Variants in FLVCR1 observed in about 807,000 individuals in gnomAD.
FLVCR1 encodes FLVCR choline and heme transporter 1, also known as choline/ethanolamine transporter FLVCR1.
In FLVCR1, 34 loss-of-function variants were observed where a neutral mutation model predicts 53.6. The ratio of observed to expected loss-of-function variants is 0.63; its 90% CI spans 0.48 to 0.84. FLVCR1 has a LOEUF of 0.84. FLVCR1 is among the 40% of genes least tolerant of loss of function. The pLI is 0.00. For missense variants in FLVCR1, 677 were observed against 696.7 expected (o/e 0.97, Z 0.32); for synonymous variants, 300 against 286.3 (o/e 1.05, Z -0.48).
chr1:212,864,553 CTT>C (rs1572008361), intron 2 of FLVCR1: 1 of 152,524 alleles, frequency 6.6e-6, no homozygotes, highest in African/African-American at 2.4e-5. Flanking sequence ...TAATGGGAAA[CTT>C]TTGATTTCAG....
chr1:212,885,805 C>G (rs1201860472), intron 5 of FLVCR1, among the ~76,000 whole-genome samples: 1 of 152,046 alleles, frequency 6.6e-6, no homozygotes, highest in African/African-American at 2.4e-5. Flanking sequence ...CCCGCCTCGA[C>G]CTCCCAAAGT....
chr1:212,895,325 G>A lies in FLVCR1; in HGVS notation c.*35G>A. The A allele has an allele frequency of 3.4e-6, 5 of 1,476,176 alleles. No homozygotes were observed. The highest frequency in any genetic ancestry group is 4.7e-6 in the Non-Finnish European group (5 of 1,053,792). 91.4% of individuals were successfully genotyped at this position (1,476,176 alleles called of 1,614,324 possible). On this transcript the variant is annotated 3_prime_UTR_variant, in exon 10 of 10. Transcript: ENST00000366971. ...CAAAGTTACTGTCCTGTAGTAATTG[G>A]GGACAATGTGATCATCCTTGGAGAG...
chr1:212,858,813 A>G lies in FLVCR1; in HGVS notation c.361A>G (p.Asn121Asp), dbSNP rs267606820. Residue 121 changes from asparagine (N) to aspartate (D), a missense_variant, in exon 1 of 10, where the codon AAC becomes GAC. Coordinates refer to ENST00000366971, the MANE Select transcript of FLVCR1 (RefSeq NM_014053.4). ...LLIFSLYSLV[N>D]AFQWIQYSII... ...GATCTTCAGCCTGTACTCGCTGGTC[A>G]ACGCCTTTCAGTGGATCCAGTACAG... 3 of 1,614,086 alleles carry G rather than the reference A, an allele frequency of 1.9e-6. No homozygotes were observed. Among genetic ancestry groups the G allele is most frequent in the Non-Finnish European group, 2.5e-6 (3 of 1,180,016 alleles).
In FLVCR1 at chr1:212,884,248, G is replaced by A. The variant is rs41300031; in HGVS notation, c.1092+810G>A. On this transcript the variant is annotated intron_variant, in intron 4 of 9. Transcript: ENST00000366971. ...TGGGAGGTGGAGGTGGCGGTGAGCC[G>A]AGATCGTGCCATTGTATTCCATCCT... is the stretch of plus-strand genomic sequence containing the variant. Among the ~76,000 whole-genome samples the A allele has an allele frequency of 5.0e-3, 767 of 151,982 alleles. 3 individuals are homozygous for A. The highest frequency in any genetic ancestry group is 0.016 in the African/African-American group (647 of 41,444).
intron 1 of FLVCR1, among the ~76,000 whole-genome samples, chr1:212,862,322 T>G (rs1664270287): frequency 6.6e-6 from 1 of 152,196 alleles, no homozygotes; most frequent in Non-Finnish European, 1.5e-5. Context: ...AAACAGTCAC[T>G]TCCCCACCAT....
intron 1 of FLVCR1, among the ~76,000 whole-genome samples, chr1:212,861,405 A>G (rs1664236241): frequency 1.3e-5 from 2 of 152,162 alleles, no homozygotes; most frequent in South Asian, 2.1e-4. Context: ...ATATTTCTAT[A>G]TAAGGTGCTC....
rs1026384424 is a variant in FLVCR1 at position 212,883,209 on chromosome 1, A to G, written c.1025-162A>G. Among the ~76,000 whole-genome samples, 3 of 152,330 alleles carry G rather than the reference A, an allele frequency of 2.0e-5. No homozygotes were observed. In the East Asian group the frequency reaches 5.8e-4, roughly 29 times the overall value. On this transcript the variant is annotated intron_variant, in intron 3 of 9. Coordinates refer to ENST00000366971, the MANE Select transcript of FLVCR1 (RefSeq NM_014053.4). ...GTCCAGGTTCTGAAAGGGAATGACA[A>G]TGGTTTTTAATTTCCTTTATCAACT...
At chr1:212,861,292 A>G (rs1312488596) in intron 1 of FLVCR1, among the ~76,000 whole-genome samples, 2 of 152,182 alleles carry the variant, frequency 1.3e-5, no homozygotes, top group African/African-American at 2.4e-5. Flanking sequence ...TTGGCTTGGA[A>G]TATTTCTTCA....
rs202181958 is a variant in FLVCR1, at chr1:212,893,074, GT to G, written c.1526-1911del. ...GTTGCTTCTTTTTTTTTGGGGGGGGGTGCCGGAATGTTGCTGTGTTGCCCAG... is the reference window on the plus strand; with the variant it reads ...GTTGCTTCTTTTTTTTTGGGGGGGGGGCCGGAATGTTGCTGTGTTGCCCAG... On this transcript the variant is annotated intron_variant, in intron 8 of 9. Transcript: ENST00000366971. Among the ~76,000 whole-genome samples the G allele has an allele frequency of 6.5e-3, 421 of 65,084 alleles. 15 individuals are homozygous for G. In the East Asian group the frequency reaches 0.12, roughly 18 times the overall value. 42.7% of individuals were successfully genotyped at this position (65,084 alleles called of 152,430 possible). A position where few individuals can be genotyped will look rare whatever the true frequency, so the allele number is the denominator to read the frequency against.
Position 212,896,066 on chromosome 1 carries a change from A to G in FLVCR1, c.*776A>G, listed in dbSNP as rs920342964. On this transcript the variant is annotated 3_prime_UTR_variant, in exon 10 of 10. Transcript: ENST00000366971. Reference sequence around the variant, plus strand: ...TATCATGGATAAATGCTAACGCTGTATTTTTTCACTCCAACTTGAGATAGA... The same window carrying G: ...TATCATGGATAAATGCTAACGCTGTGTTTTTTCACTCCAACTTGAGATAGA... 2 of 148,760 alleles carry G rather than the reference A, an allele frequency of 1.3e-5. No individual in the cohort carries two copies. Among genetic ancestry groups the G allele is most frequent in the African/African-American group, 4.9e-5 (2 of 40,474 alleles). 9.2% of individuals were successfully genotyped at this position (148,760 alleles called of 1,614,324 possible). A position where few individuals can be genotyped will look rare whatever the true frequency, so the allele number is the denominator to read the frequency against.
chr1:212,868,528 G>A (rs893544880), intron 2 of FLVCR1, among the ~76,000 whole-genome samples: 2 of 152,170 alleles, frequency 1.3e-5, no homozygotes, highest in African/African-American at 2.4e-5. Context: ...ATTCTGCTCA[G>A]CCTCCCGAGT....
intron 2 of FLVCR1, among the ~76,000 whole-genome samples, chr1:212,870,702 T>A (rs1558111668): frequency 2.0e-5 from 3 of 152,036 alleles, no homozygotes; most frequent in African/African-American, 7.3e-5. Context: ...TCCTAATTTC[T>A]AAAAAAAATT....
At chr1:212,880,044 T>G (rs1340713637) in intron 3 of FLVCR1, among the ~76,000 whole-genome samples, 1 of 151,994 alleles carries the variant, frequency 6.6e-6, no homozygotes, top group Non-Finnish European at 1.5e-5. Context: ...TGTATTAGAT[T>G]CAAAATCACC....
chr1:212,898,253 C>T lies in FLVCR1; in HGVS notation c.*2963C>T, dbSNP rs1268898069. ...AAAATTCCCTGGACAATTGGATAAA[C>T]AAATGTGATTGCTACCTTATGGATA... is the stretch of plus-strand genomic sequence containing the variant. On this transcript the variant is annotated 3_prime_UTR_variant, in exon 10 of 10. Coordinates refer to ENST00000366971, the MANE Select transcript of FLVCR1 (RefSeq NM_014053.4). 2 of 152,164 alleles carry T rather than the reference C, an allele frequency of 1.3e-5. No individual in the cohort carries two copies. 9.4% of individuals were successfully genotyped at this position (152,164 alleles called of 1,614,324 possible).
chr1:212,872,131 T>C (rs1384878642), intron 2 of FLVCR1, among the ~76,000 whole-genome samples: 3 of 152,180 alleles, frequency 2.0e-5, no homozygotes, highest in East Asian at 3.8e-4. Context: ...TTTTTTTGTT[T>C]TGAGACAGGG....
intron 3 of FLVCR1, among the ~76,000 whole-genome samples, chr1:212,876,542 T>A (rs1476474292): frequency 6.6e-6 from 1 of 152,072 alleles, no homozygotes; most frequent in African/African-American, 2.4e-5. Context: ...ATTTTTGTAT[T>A]TTTAGTAGAG....
intron 1 of FLVCR1, among the ~76,000 whole-genome samples, chr1:212,860,810 A>G (rs1352198146): frequency 6.6e-6 from 1 of 152,206 alleles, no homozygotes; most frequent in Non-Finnish European, 1.5e-5. Flanking sequence ...CTTCAGACTC[A>G]TACAGATACT....
At chr1:212,885,468 A>C in intron 5 of FLVCR1, 72 bp downstream of exon 5, 1 of 1,134,928 alleles carries the variant, frequency 8.8e-7, no homozygotes, top group South Asian at 1.2e-5. Flanking sequence ...TTTGCTTTTT[A>C]TTTCAAGAAA....
At chr1:212,879,710 T>C (rs369285819) in intron 3 of FLVCR1, among the ~76,000 whole-genome samples, 2 of 152,038 alleles carry the variant, frequency 1.3e-5, no homozygotes, top group African/African-American at 4.8e-5. Context: ...GACGCACTAC[T>C]ATGCCCAGCT....
Sources: allele counts gnomAD v4.1 joint callset (sites outside exome capture counted in the v4.1 genomes callset), GRCh38; gene constraint gnomAD v4.1.1; transcripts MANE v1.5; gene names NCBI Gene and HGNC (gene_info 2026-07-23, HGNC 2026-07-21).